Variants in SH2D4B observed in about 807,000 individuals in gnomAD.
SH2D4B encodes SH2 domain containing 4B.
In SH2D4B, 45 loss-of-function variants were observed where a neutral mutation model predicts 61.5. That is an observed-to-expected ratio of 0.73 (90% confidence interval 0.58 to 0.94). SH2D4B has a LOEUF of 0.94. SH2D4B is among the 40% of genes least tolerant of loss of function. The probability of loss-of-function intolerance (pLI) is 0.00; values close to 1 mark genes in which losing one functional copy is unlikely to be tolerated. For synonymous variants in SH2D4B, 224 were observed against 220.4 expected, an observed-to-expected ratio of 1.02 and a Z score of -0.14; for missense variants, 572 against 574.2, an observed-to-expected ratio of 1.00 and a Z score of 0.04.
At chr10:80,635,704 T>C (rs1842890656) in intron 7 of SH2D4B, among the ~76,000 whole-genome samples, 1 of 152,200 alleles carries the variant, frequency 6.6e-6, no homozygotes, top group South Asian at 2.1e-4. Context: ...ACACATTCTC[T>C]GTGTCAAGCA....
At chr10:80,606,266 C>CTTTT (rs201730892) in intron 5 of SH2D4B, among the ~76,000 whole-genome samples, 2 of 139,086 alleles carry the variant, frequency 1.4e-5, no homozygotes, top group Non-Finnish European at 3.2e-5. Flanking sequence ...TATTTATACT[C>CTTTT]TTTTTTTTTT....
intron 6 of SH2D4B, among the ~76,000 whole-genome samples, chr10:80,625,639 C>T (rs1842761159): frequency 6.9e-6 from 1 of 145,246 alleles, no homozygotes; most frequent in Non-Finnish European, 1.5e-5. Flanking sequence ...GTGGTGTGAT[C>T]TTGGCTCACT....
chr10:80,637,545 A>G (rs1200411907), intron 7 of SH2D4B, among the ~76,000 whole-genome samples: 1 of 152,158 alleles, frequency 6.6e-6, no homozygotes, highest in Non-Finnish European at 1.5e-5. Context: ...TCTTTGTACC[A>G]ATTATGAATG....
At chr10:80,552,642 G>C (rs1841777031) in intron 1 of SH2D4B, among the ~76,000 whole-genome samples, 1 of 152,194 alleles carries the variant, frequency 6.6e-6, no homozygotes, top group East Asian at 1.9e-4. Flanking sequence ...GGTGGAAGTA[G>C]CAGGTTGTAG....
At chr10:80,570,927 T>C (rs958936538) in intron 2 of SH2D4B, among the ~76,000 whole-genome samples, 4 of 152,168 alleles carry the variant, frequency 2.6e-5, no homozygotes, top group African/African-American at 9.7e-5. Flanking sequence ...CAGGCTGGAG[T>C]GCAGTGTCAT....
chr10:80,567,469 CT>C (rs1841985063), intron 1 of SH2D4B, among the ~76,000 whole-genome samples: 1 of 152,222 alleles, frequency 6.6e-6, no homozygotes, highest in Non-Finnish European at 1.5e-5. Flanking sequence ...CTGCATCCAG[CT>C]GAAAGTCCAC....
intron 1 of SH2D4B, among the ~76,000 whole-genome samples, chr10:80,550,591 C>T (rs1841747022): frequency 6.6e-6 from 1 of 150,870 alleles, no homozygotes; most frequent in African/African-American, 2.4e-5. Flanking sequence ...GAGATTCCGT[C>T]TCAAAAAAAA....
intron 6 of SH2D4B, among the ~76,000 whole-genome samples, chr10:80,612,845 C>A (rs1842617450): frequency 1.3e-5 from 2 of 152,176 alleles, no homozygotes; most frequent in African/African-American, 2.4e-5. Flanking sequence ...CCAGTGTTAT[C>A]CAAACAGCAA....
chr10:80,636,404 A>T (rs930677826), intron 7 of SH2D4B, among the ~76,000 whole-genome samples: 1 of 152,232 alleles, frequency 6.6e-6, no homozygotes, highest in Non-Finnish European at 1.5e-5. Context: ...ACTAGTTTAC[A>T]GTCCCACCAA....
intron 4 of SH2D4B, among the ~76,000 whole-genome samples, chr10:80,593,134 A>T (rs978213318): frequency 6.6e-6 from 1 of 151,068 alleles, no homozygotes; most frequent in Non-Finnish European, 1.5e-5. Context: ...GCAGTATGAG[A>T]CCTCCATGTT....
At position 80,634,400 on chromosome 10, in the gene SH2D4B, AG is replaced by A; in HGVS notation, c.1107del (p.Phe370SerfsTer139). 6.4e-7 allele frequency: 1 copy of A among 1,550,572 alleles called. No individual in the cohort carries two copies. Reference protein sequence around the residue: ...GYTLSYRLQKGFKHFLVDASG... With the variant: ...GYTLSYRLQKXFKHFLVDASG... ...ACACCCTCTCCTACCGCCTGCAGAA[AG>A]GGTTCAAACACTTTCTTGTGGATGC... is the stretch of plus-strand genomic sequence containing the variant. On this transcript the variant is annotated frameshift_variant, in exon 7 of 8. Transcript: ENST00000646907. LOFTEE classifies it high-confidence loss of function.
chr10:80,544,491 A>G (rs1841639528), intron 1 of SH2D4B, among the ~76,000 whole-genome samples: 1 of 152,238 alleles, frequency 6.6e-6, no homozygotes, highest in Non-Finnish European at 1.5e-5. Flanking sequence ...TGGAAACTGT[A>G]TGACACCATC....
intron 3 of SH2D4B, among the ~76,000 whole-genome samples, chr10:80,576,667 C>G (rs182462712): frequency 1.8e-3 from 278 of 152,372 alleles, no homozygotes; most frequent in Non-Finnish European, 2.5e-3. Flanking sequence ...TTTGCCCCTC[C>G]TCCCTTTGAG....
chr10:80,574,375 A>G (rs1373381881), intron 3 of SH2D4B, among the ~76,000 whole-genome samples: 1 of 152,240 alleles, frequency 6.6e-6, no homozygotes, highest in Non-Finnish European at 1.5e-5. Context: ...AGCTCAAGCC[A>G]ACCACCTACC....
chr10:80,627,691 G>C (rs1878039), intron 6 of SH2D4B, among the ~76,000 whole-genome samples: 5,064 of 128,266 alleles, frequency 0.039, 310 homozygotes, highest in African/African-American at 0.12. Flanking sequence ...AGAGCTTCTA[G>C]AAGGCAAGAA....
chr10:80,578,187 T>C (rs1359636812), intron 3 of SH2D4B, among the ~76,000 whole-genome samples: 2 of 152,162 alleles, frequency 1.3e-5, no homozygotes, highest in Non-Finnish European at 2.9e-5. Flanking sequence ...CCCAGGCTCA[T>C]CTGGAATTTC....
intron 6 of SH2D4B, among the ~76,000 whole-genome samples, chr10:80,619,547 G>T (rs995484151): frequency 6.6e-6 from 1 of 152,196 alleles, no homozygotes; most frequent in African/African-American, 2.4e-5. Context: ...TTCTGCCTCA[G>T]TTCCCTTAAT....
intron 6 of SH2D4B, among the ~76,000 whole-genome samples, chr10:80,624,231 GT>G (rs1218940845): frequency 1.3e-5 from 2 of 152,148 alleles, no homozygotes; most frequent in East Asian, 3.8e-4. Flanking sequence ...CAGGTGCAGG[GT>G]AATTGCTAGA....
chr10:80,602,717 C>G (rs980592330), intron 4 of SH2D4B, among the ~76,000 whole-genome samples: 5 of 152,170 alleles, frequency 3.3e-5, no homozygotes, highest in African/African-American at 1.2e-4. Flanking sequence ...TCCATTAACC[C>G]AGTTGGGCAA....
Sources: gnomAD v4.1 joint callset for allele counts (sites outside exome capture counted in the v4.1 genomes callset) on GRCh38, gnomAD v4.1.1 for gene constraint, MANE v1.5 for transcripts, NCBI Gene and HGNC (gene_info 2026-07-23, HGNC 2026-07-21) for gene names.